The following FGFBP2 variants were observed in gnomAD, a reference collection of about 807,000 sequenced individuals.
FGFBP2 encodes the protein fibroblast growth factor-binding protein 2.
A neutral mutation model predicts 7.3 loss-of-function variants in FGFBP2; 7 were observed. The observed-to-expected ratio is 0.96, with a 90% CI of 0.55 to 1.81. The LOEUF (loss-of-function observed/expected upper bound fraction) is 1.81, where lower values mean the gene tolerates loss of function less well. Ranked by LOEUF, FGFBP2 falls within the 40% of genes most tolerant of loss-of-function variation. FGFBP2 has a pLI of 0.00. For synonymous variants in FGFBP2, 131 were observed against 110.2 expected (o/e 1.19, Z -1.18); for missense variants, 291 against 280.1 (o/e 1.04, Z -0.28).
At chr4:15,961,417 A>G (rs972931434) in intron 1 of FGFBP2, among the ~76,000 whole-genome samples, 2 of 152,208 alleles carry the variant, frequency 1.3e-5, no homozygotes, top group Admixed American at 6.5e-5. Flanking sequence ...TTAAACAAGC[A>G]GAAAACCTCC....
Position 15,962,581 on chromosome 4 carries a change from G to A in FGFBP2, c.549C>T (p.Ala183=), listed in dbSNP as rs765234750. ...GKAKPTTRPT[A]KPTQPGPRPG... ...GCCTGGGTCCAGGCTGGGTAGGTTT[G>A]GCTGTGGGTCGGGTGGTGGGTTTGG... The change falls in exon 1 of 2, where the codon GCC becomes GCT. Residue 183 remains alanine, a synonymous_variant. Coordinates refer to ENST00000259989, the MANE Select transcript of FGFBP2 (RefSeq NM_031950.4). The A allele has an allele frequency of 6.8e-6, 11 of 1,614,190 alleles. No homozygotes were observed. The highest frequency in any genetic ancestry group is 7.6e-6 in the Non-Finnish European group (9 of 1,180,032).
In FGFBP2 at chr4:15,962,798, A is replaced by T. The variant is rs1713123962; in HGVS notation, c.332T>A (p.Val111Glu). ...CTCCCTGCACACGGATGGCCTAAGCACCGGGGCCCCCTGGCACGCATGGTG... is the reference window on the plus strand; with the variant it reads ...CTCCCTGCACACGGATGGCCTAAGCTCCGGGGCCCCCTGGCACGCATGGTG... ...RLHHACQGAP[V>E]LRPSVCREAG... The change falls in exon 1 of 2, where the codon GTG becomes GAG. Residue 111 changes from valine (V) to glutamate (E), a missense_variant. Val to Glu is a moderately radical substitution (Grantham distance 121). Transcript: ENST00000259989. The T allele has an allele frequency of 6.3e-7, 1 of 1,582,682 alleles. No individual in the cohort carries two copies. The highest frequency in any genetic ancestry group is 8.6e-7 in the Non-Finnish European group (1 of 1,164,052).
chr4:15,960,753 G>T (rs538934662), intron 1 of FGFBP2, 142 bp from the exon 2 acceptor site: 1 of 152,068 alleles, frequency 6.6e-6, no homozygotes, highest in Non-Finnish European at 1.5e-5. Context: ...CTCAGGGAGC[G>T]TTTGTATTTA....
chr4:15,962,458 T>C lies in FGFBP2; in HGVS notation c.672A>G (p.Ter224TrpextTer68). Reference sequence around the variant, plus strand: ...ATTACCTGTAGGGGTCTTTCACCTGTCACCCTCGGAAGAAGCTGATGAGAA... The same window carrying C: ...ATTACCTGTAGGGGTCTTTCACCTGCCACCCTCGGAAGAAGCTGATGAGAA... ...CAFLISFFRG[*>W] Residue 224 changes from the stop codon to tryptophan, a stop_lost, in exon 1 of 2, where the codon TGA becomes TGG. Transcript: ENST00000259989. 1 of 1,549,978 alleles carries C rather than the reference T, an allele frequency of 6.5e-7. No individual in the cohort carries two copies. Among genetic ancestry groups the C allele is most frequent in the Non-Finnish European group, 8.7e-7 (1 of 1,147,802 alleles).
chr4:15,962,907 T>C lies in FGFBP2; in HGVS notation c.223A>G (p.Arg75Gly). Reference protein sequence around the residue: ...NTDQTYWCEYRGQPSMCQAFA... With the variant: ...NTDQTYWCEYGGQPSMCQAFA... ...GCCTGGCACATGCTGGGCTGCCCCC[T>C]GTACTCACACCAGTAGGTCTGGTCT... Residue 75 changes from arginine (R) to glycine (G), a missense_variant, in exon 1 of 2, where the codon AGG (arginine) becomes GGG (glycine). Physicochemically the swap from Arg to Gly is moderately radical, Grantham distance 125. Transcript: ENST00000259989. 1 of 1,582,756 alleles carries C rather than the reference T, an allele frequency of 6.3e-7. No homozygotes were observed. The highest frequency in any genetic ancestry group is 1.1e-5 in the South Asian group (1 of 89,040).
chr4:15,962,106 C>G (rs1286866544), intron 1 of FGFBP2, among the ~76,000 whole-genome samples: 1 of 152,208 alleles, frequency 6.6e-6, no homozygotes, highest in Middle Eastern at 3.2e-3. Flanking sequence ...GCTGCACATT[C>G]AAATCACTTG....
chr4:15,962,886 G>C lies in FGFBP2; in HGVS notation c.244C>G (p.Gln82Glu), dbSNP rs764626561. 1.3e-6 allele frequency: 2 copies of C among 1,562,464 alleles called. No homozygotes were observed. Among genetic ancestry groups the C allele is most frequent in the Admixed American group, 1.8e-5 (1 of 55,714 alleles). ...GGTTTGGGGTCAGCAGCGAAAGCCT[G>C]GCACATGCTGGGCTGCCCCCTGTAC... is the stretch of plus-strand genomic sequence containing the variant. ...CEYRGQPSMCQAFAADPKPYW... is the reference protein window; with the variant it reads ...CEYRGQPSMCEAFAADPKPYW... Residue 82 changes from glutamine (Q) to glutamate (E), a missense_variant, in exon 1 of 2, where the codon CAG becomes GAG. Physicochemically the swap from Gln to Glu is conservative, Grantham distance 29. Transcript: ENST00000259989.
Position 15,962,686 on chromosome 4 carries a change from T to C in FGFBP2, c.444A>G (p.Pro148=), listed in dbSNP as rs982834669. The change falls in exon 1 of 2, where the codon CCA becomes CCG. Residue 148 remains proline, a synonymous_variant. Coordinates refer to ENST00000259989, the MANE Select transcript of FGFBP2 (RefSeq NM_031950.4). ...TCACTGTGGCCTTGGGCCTCAGAGA[T>C]GGCGTCCCAGCCTCAGGCTGCTGGT... ...EPNQQPEAGT[P]SLRPKATVKL... 5.0e-6 allele frequency: 8 copies of C among 1,614,042 alleles called. No individual in the cohort carries two copies. The highest frequency in any genetic ancestry group is 6.8e-6 in the Non-Finnish European group (8 of 1,180,030).
rs1216426063 is a variant in FGFBP2 at position 15,962,590 on chromosome 4, T to C, written c.540A>G (p.Arg180=). Residue 180 remains arginine, a synonymous_variant, in exon 1 of 2, where the codon CGA becomes CGG. Transcript: ENST00000259989. ...EELGKAKPTT[R]PTAKPTQPGP... ...CAGGCTGGGTAGGTTTGGCTGTGGG[T>C]CGGGTGGTGGGTTTGGCTTTTCCCA... 1 of 1,614,018 alleles carries C rather than the reference T, an allele frequency of 6.2e-7. No homozygotes were observed.
At chr4:15,960,777 T>C (rs1713066770) in intron 1 of FGFBP2, among the ~76,000 whole-genome samples, 166 bp from the exon 2 acceptor site, 1 of 152,092 alleles carries the variant, frequency 6.6e-6, no homozygotes, top group South Asian at 2.1e-4. Context: ...ATAGGGGCCA[T>C]TAAAGAGGTG....
At chr4:15,961,818 C>CA (rs565222223) in intron 1 of FGFBP2, among the ~76,000 whole-genome samples, 1 of 152,062 alleles carries the variant, frequency 6.6e-6, no homozygotes, top group South Asian at 2.1e-4. Context: ...CTGTGATGAA[C>CA]AAAAAACAAT....
intron 1 of FGFBP2, among the ~76,000 whole-genome samples, chr4:15,961,339 C>A (rs954045953): frequency 1.3e-5 from 2 of 151,846 alleles, no homozygotes; most frequent in Admixed American, 6.6e-5. Flanking sequence ...AAAAAAAGGA[C>A]CTCCTCTCAA....
At position 15,962,829 on chromosome 4, in the gene FGFBP2, G is replaced by C; in HGVS notation, c.301C>G (p.Arg101Gly). 1 of 1,565,560 alleles carries C rather than the reference G, an allele frequency of 6.4e-7. No individual in the cohort carries two copies. The highest frequency in any genetic ancestry group is 8.6e-7 in the Non-Finnish European group (1 of 1,158,006). ...YWNQALQELR[R>G]LHHACQGAPV... ...GCCCCCTGGCACGCATGGTGAAGGC[G>C]CCTCAGCTCCTGCAGGGCTTGATTC... is the stretch of plus-strand genomic sequence containing the variant. The change falls in exon 1 of 2, where the codon CGC (arginine) becomes GGC (glycine). Residue 101 changes from arginine to glycine, a missense_variant. By Grantham distance (125) the Arg-to-Gly change is moderately radical. Transcript: ENST00000259989.
Position 15,963,105 on chromosome 4 carries a change from G to T in FGFBP2, c.25C>A (p.Leu9Met). The T allele has an allele frequency of 6.2e-7, 1 of 1,603,906 alleles. No homozygotes were observed. The highest frequency in any genetic ancestry group is 8.5e-7 in the Non-Finnish European group (1 of 1,173,776). ...GTCCCCAGGCAGGACAAGGTCACCA[G>T]CAGGAGGCAGGGGACGAACTTCATG... Reference protein sequence around the residue: MKFVPCLLLVTLSCLGTLG... With the variant: MKFVPCLLMVTLSCLGTLG... Residue 9 changes from leucine (L) to methionine (M), a missense_variant, in exon 1 of 2, where the codon CTG becomes ATG. By Grantham distance (15) the Leu-to-Met change is conservative. Transcript: ENST00000259989.
At chr4:15,960,878 G>C (rs1440433791) in intron 1 of FGFBP2, among the ~76,000 whole-genome samples, 1 of 152,066 alleles carries the variant, frequency 6.6e-6, no homozygotes, top group Admixed American at 6.6e-5. Context: ...CCCACGCAGA[G>C]GAATGACAGA....
Position 15,963,005 on chromosome 4 carries a change from G to C in FGFBP2, c.125C>G (p.Ser42Cys). The change falls in exon 1 of 2, where the codon TCC becomes TGC. Residue 42 changes from serine (S) to cysteine (C), a missense_variant. Transcript: ENST00000259989. Reference sequence around the variant, plus strand: ...CAAGCTGCTGGGACGCATAGTGCAGGAATCTCTCCCTCCAGTCTGGAAATG... The same window carrying C: ...CAAGCTGCTGGGACGCATAGTGCAGCAATCTCTCCCTCCAGTCTGGAAATG... ...EFHFQTGGRD[S>C]CTMRPSSLGQ... is the part of the protein sequence containing the mutation. The C allele has an allele frequency of 6.2e-7, 1 of 1,614,136 alleles. No homozygotes were observed. The highest frequency in any genetic ancestry group is 8.5e-7 in the Non-Finnish European group (1 of 1,180,034).
In FGFBP2 at chr4:15,962,401, C is replaced by G. The variant is rs557997936; in HGVS notation, c.*20+37G>C. The G allele has an allele frequency of 6.8e-6, 10 of 1,466,480 alleles. No homozygotes were observed. The African/African-American group carries it at 1.3e-4, about 19-fold the overall frequency. The allele number at this position is 1,466,480 out of a possible 1,614,324, so 90.8% of individuals were successfully genotyped here. Reference sequence around the variant, plus strand: ...TAGTCTCTGTATATAAGTATATACACGTAGTCTCTGTATATGAGTAAAGGA... The same window carrying G: ...TAGTCTCTGTATATAAGTATATACAGGTAGTCTCTGTATATGAGTAAAGGA... On this transcript the variant is annotated intron_variant, in intron 1 of 1. Transcript: ENST00000259989.
In FGFBP2 at chr4:15,962,632, C is replaced by A. The variant is rs1339957365; in HGVS notation, c.498G>T (p.Lys166Asn). ...CTTTTCCCAGCTCTTCCATCGAGTCCTTTCCCAGCTGTGTTGCTTCTGTGA... is the reference window on the plus strand; with the variant it reads ...CTTTTCCCAGCTCTTCCATCGAGTCATTTCCCAGCTGTGTTGCTTCTGTGA... Reference protein sequence around the residue: ...VKLTEATQLGKDSMEELGKAK... With the variant: ...VKLTEATQLGNDSMEELGKAK... The change falls in exon 1 of 2, where the codon AAG becomes AAT. Residue 166 changes from lysine (K) to asparagine (N), a missense_variant. Transcript: ENST00000259989. 1 of 1,614,178 alleles carries A rather than the reference C, an allele frequency of 6.2e-7. No individual in the cohort carries two copies. Among genetic ancestry groups the A allele is most frequent in the South Asian group, 1.1e-5 (1 of 91,078 alleles).
In FGFBP2 at chr4:15,962,545, A is replaced by T. The variant is rs749676676; in HGVS notation, c.585T>A (p.Asn195Lys). The change falls in exon 1 of 2, where the codon AAT becomes AAA. Residue 195 changes from asparagine (N) to lysine (K), a missense_variant. Coordinates refer to ENST00000259989, the MANE Select transcript of FGFBP2 (RefSeq NM_031950.4). ...PTQPGPRPGG[N>K]EEAKKKAWEH... ...CCCAGGCCTTCTTCTTTGCTTCCTC[A>T]TTCCCTCCGGGCCTGGGTCCAGGCT... 2 of 1,612,938 alleles carry T rather than the reference A, an allele frequency of 1.2e-6. No homozygotes were observed. Among genetic ancestry groups the T allele is most frequent in the Admixed American group, 1.7e-5 (1 of 59,934 alleles).
Sources: gnomAD v4.1 joint callset for allele counts (sites outside exome capture counted in the v4.1 genomes callset) on GRCh38, gnomAD v4.1.1 for gene constraint, MANE v1.5 for transcripts, NCBI Gene and HGNC (gene_info 2026-07-23, HGNC 2026-07-21) for gene names.